The following COL11A2 variants were observed in gnomAD, a reference collection of about 807,000 sequenced individuals.
COL11A2 encodes collagen type XI alpha 2 chain.
A neutral mutation model predicts 273.4 loss-of-function variants in COL11A2; 116 were observed. The ratio of observed to expected loss-of-function variants is 0.42; its 90% CI spans 0.36 to 0.49. The LOEUF is 0.49. Ranked by LOEUF, COL11A2 falls within the 20% of genes least tolerant of loss-of-function variation. The probability of loss-of-function intolerance (pLI) is 0.00; values close to 1 mark genes in which losing one functional copy is unlikely to be tolerated. For synonymous variants in COL11A2, 782 were observed against 864.2 expected (o/e 0.90, Z 1.67); for missense variants, 1,866 against 2,309.0 (o/e 0.81, Z 3.93).
Position 33,175,412 on chromosome 6 carries a change from C to A in COL11A2, c.2376+162G>T, listed in dbSNP as rs1770757759. 7.0e-6 allele frequency: 5 copies of A among 711,098 alleles called. No homozygotes were observed. The Admixed American group carries it at 8.0e-5, about 11-fold the overall frequency. The allele number at this position is 711,098 out of a possible 1,614,324, so 44.0% of individuals were successfully genotyped here. On this transcript the variant is annotated intron_variant, in intron 30 of 65. Transcript: ENST00000341947. ...CCTGACTTCTTATATATCCCCTCTG[C>A]CCATCAGCAGCTGAGAGATGCCATT...
In COL11A2 at chr6:33,171,768, G is replaced by C; in HGVS notation, c.3095C>G (p.Pro1032Arg). ...GGGACCCTGCGGGCCTGGGCGCCCT[G>C]GCGGACCAATGGGTCCCCCTGATCC... ...AAGSGGPIGP[P>R]GRPGPQGPPG... The change falls in exon 42 of 66, where the codon CCA (proline) becomes CGA (arginine). Residue 1032 changes from proline (P) to arginine (R), a missense_variant. Physicochemically the swap from Pro to Arg is moderately radical, Grantham distance 103. Transcript: ENST00000341947. 1 of 1,612,798 alleles carries C rather than the reference G, an allele frequency of 6.2e-7. No individual in the cohort carries two copies. Among genetic ancestry groups the C allele is most frequent in the Non-Finnish European group, 8.5e-7 (1 of 1,179,886 alleles).
Position 33,164,806 on chromosome 6 carries a change from G to A in COL11A2, c.4863+46C>T, listed in dbSNP as rs772313096. ...CCCAGAAACCACTAAGCCCTGAGGG[G>A]GTGCACTATGGGGCAGGGGAGGGGC... is the stretch of plus-strand genomic sequence containing the variant. On this transcript the variant is annotated intron_variant, in intron 64 of 65. Transcript: ENST00000341947. This position sits in a 1 kb window ranked among gnomAD's most constrained non-coding sequence, Gnocchi z 4.7. The A allele has an allele frequency of 6.7e-7, 1 of 1,501,676 alleles. No homozygotes were observed. Among genetic ancestry groups the A allele is most frequent in the Admixed American group, 2.0e-5 (1 of 50,862 alleles). 93.0% of individuals were successfully genotyped at this position (1,501,676 alleles called of 1,614,324 possible). A position where few individuals can be genotyped will look rare whatever the true frequency, so the allele number is the denominator to read the frequency against.
intron 5 of COL11A2, among the ~76,000 whole-genome samples, chr6:33,186,035 A>T (rs2150609790): frequency 6.6e-6 from 1 of 152,044 alleles, no homozygotes; most frequent in Admixed American, 6.5e-5. Context: ...TCTGATCTTT[A>T]GACCACTGAC....
rs1297926204 is a variant in COL11A2 at position 33,173,528 on chromosome 6, C to T, written c.2656G>A (p.Gly886Arg). The T allele has an allele frequency of 2.5e-6, 4 of 1,603,650 alleles. No homozygotes were observed. The highest frequency in any genetic ancestry group is 2.2e-5 in the East Asian group (1 of 44,568). ...RGLPGPQGPN[G>R]FPGPKGPPGP... ...GGGGGTCCTTTCGGTCCAGGAAACC[C>T]GTTGGGACCCTGAGGTCCAGGGAGG... The change falls in exon 36 of 66, where the codon GGG becomes AGG. Residue 886 changes from glycine (G) to arginine (R), a missense_variant. Gly to Arg is a moderately radical substitution (Grantham distance 125). Coordinates refer to ENST00000341947, the MANE Select transcript of COL11A2 (RefSeq NM_080680.3). This position sits in a 1 kb window ranked among gnomAD's most constrained non-coding sequence, Gnocchi z 6.3.
chr6:33,174,390 A>G, intron 31 of COL11A2, 137 bp downstream of exon 31: 1 of 1,370,978 alleles, frequency 7.3e-7, no homozygotes, highest in Non-Finnish European at 1.0e-6. Context: ...TCTTTCGGTC[A>G]TCTGTAAAAT....
chr6:33,171,392 G>A (rs373993079), intron 43 of COL11A2, 68 bp from the exon 44 acceptor site: 13 of 1,608,340 alleles, frequency 8.1e-6, no homozygotes, highest in African/African-American at 2.7e-5. Context: ...TGACATGACA[G>A]GGGCCAGGGG....
chr6:33,178,810 G>T lies in COL11A2; in HGVS notation c.1666-78C>A. 3.1e-6 allele frequency: 5 copies of T among 1,603,190 alleles called. No individual in the cohort carries two copies. The highest frequency in any genetic ancestry group is 2.2e-5 in the East Asian group (1 of 44,818). ...CCCTCCCTACTGCACCCTGAGCTGGGGGGGTGCTGATCCTGGGGAAGCCTG... is the reference window on the plus strand; with the variant it reads ...CCCTCCCTACTGCACCCTGAGCTGGTGGGGTGCTGATCCTGGGGAAGCCTG... On this transcript the variant is annotated intron_variant, in intron 17 of 65. Transcript: ENST00000341947. The surrounding 1 kb of genome is among the most constrained non-coding windows in gnomAD (Gnocchi z 4.6).
Position 33,176,525 on chromosome 6 carries a change from G to C in COL11A2, c.2116-39C>G. On this transcript the variant is annotated intron_variant, in intron 26 of 65. Transcript: ENST00000341947. The surrounding 1 kb of genome is among the most constrained non-coding windows in gnomAD (Gnocchi z 4.9). Reference sequence around the variant, plus strand: ...GAGAGGCATTTATAAAGGGGCCTCAGAGTGTCACTGTGGGGGCCTCCAGGG... The same window carrying C: ...GAGAGGCATTTATAAAGGGGCCTCACAGTGTCACTGTGGGGGCCTCCAGGG... 1 of 1,580,958 alleles carries C rather than the reference G, an allele frequency of 6.3e-7. No homozygotes were observed. The highest frequency in any genetic ancestry group is 8.7e-7 in the Non-Finnish European group (1 of 1,151,180).
At chr6:33,185,923 G>A (rs1484972238) in intron 5 of COL11A2, 145 bp from the exon 6 acceptor site, 2 of 387,804 alleles carry the variant, frequency 5.2e-6, no homozygotes, top group African/African-American at 4.1e-5. Context: ...AGTTGAAGAT[G>A]AAAGGAGAGG....
Position 33,170,045 on chromosome 6 carries a change from A to T in COL11A2, c.3636+2T>A, listed in dbSNP as rs1769803099. 1 of 1,612,794 alleles carries T rather than the reference A, an allele frequency of 6.2e-7. No individual in the cohort carries two copies. Among genetic ancestry groups the T allele is most frequent in the Non-Finnish European group, 8.5e-7 (1 of 1,179,974 alleles). ...TGGTCCACTCACCCCCTTCCCAGTT[A>T]CCTTCTCTCCAGGGGGACCCAGGTT... is the stretch of plus-strand genomic sequence containing the variant. On this transcript the variant is annotated splice_donor_variant, in intron 49 of 65. Transcript: ENST00000341947. LOFTEE classifies it high-confidence loss of function. The surrounding 1 kb of genome is among the most constrained non-coding windows in gnomAD (Gnocchi z 4.3).
At position 33,177,402 on chromosome 6, in the gene COL11A2, C is replaced by T. The variant is rs1771073566; in HGVS notation, c.1971+10G>A. 1 of 1,612,824 alleles carries T rather than the reference C, an allele frequency of 6.2e-7. No individual in the cohort carries two copies. The highest frequency in any genetic ancestry group is 1.1e-5 in the South Asian group (1 of 91,076). On this transcript the variant is annotated intron_variant, in intron 23 of 65. Coordinates refer to ENST00000341947, the MANE Select transcript of COL11A2 (RefSeq NM_080680.3). This position sits in a 1 kb window ranked among gnomAD's most constrained non-coding sequence, Gnocchi z 5.9. ...TGAAAATTGGGGAACGGAGTAGGGG[C>T]ACCGCTCACCTGGGTCCCAGGGGTG...
intron 53 of COL11A2, 58 bp downstream of exon 53, chr6:33,168,648 A>AG: frequency 2.5e-6 from 4 of 1,596,114 alleles, no homozygotes; most frequent in Non-Finnish European, 3.4e-6. Context: ...GGCACAGAAG[A>AG]GGGGTAAAGA....
At position 33,188,508 on chromosome 6, in the gene COL11A2, C is replaced by T; in HGVS notation, c.460G>A (p.Val154Met). The T allele has an allele frequency of 1.9e-6, 3 of 1,613,070 alleles. No homozygotes were observed. Among genetic ancestry groups the T allele is most frequent in the South Asian group, 1.1e-5 (1 of 91,084 alleles). Reference protein sequence around the residue: ...LADGKWHRVAVAVKGQSVTLI... With the variant: ...LADGKWHRVAMAVKGQSVTLI... ...GTGACAGACTGGCCCTTCACAGCCA[C>T]AGCCACACGGTGCCACCTGGAAATG... The change falls in exon 4 of 66, where the codon GTG becomes ATG. Residue 154 changes from valine (V) to methionine (M), a missense_variant. By Grantham distance (21) the Val-to-Met change is conservative (BLOSUM62 1). Coordinates refer to ENST00000341947, the MANE Select transcript of COL11A2 (RefSeq NM_080680.3).
chr6:33,176,909 A>G lies in COL11A2; in HGVS notation c.2070+83T>C. On this transcript the variant is annotated intron_variant, in intron 25 of 65. Transcript: ENST00000341947. This position sits in a 1 kb window ranked among gnomAD's most constrained non-coding sequence, Gnocchi z 4.9. Reference sequence around the variant, plus strand: ...AGCACCACCAGTGACCTTTCAGTGCAAGGGTCACTAAAGGAGCTCTGAGGT... The same window carrying G: ...AGCACCACCAGTGACCTTTCAGTGCGAGGGTCACTAAAGGAGCTCTGAGGT... The G allele has an allele frequency of 5.8e-6, 9 of 1,548,404 alleles. No homozygotes were observed. Among genetic ancestry groups the G allele is most frequent in the Non-Finnish European group, 4.4e-6 (5 of 1,135,770 alleles).
rs1771090245 is a variant in COL11A2 at position 33,177,490 on chromosome 6, G to A, written c.1918-25C>T. 1.2e-6 allele frequency: 2 copies of A among 1,611,988 alleles called. No homozygotes were observed. Among genetic ancestry groups the A allele is most frequent in the African/African-American group, 1.3e-5 (1 of 74,910 alleles). ...CCTAGAAACAGGTGACCAGGCACAGGTCAGAAGGAGATGGAGATAGAACAC... is the reference window on the plus strand; with the variant it reads ...CCTAGAAACAGGTGACCAGGCACAGATCAGAAGGAGATGGAGATAGAACAC... On this transcript the variant is annotated intron_variant, in intron 22 of 65. Coordinates refer to ENST00000341947, the MANE Select transcript of COL11A2 (RefSeq NM_080680.3). This position sits in a 1 kb window ranked among gnomAD's most constrained non-coding sequence, Gnocchi z 5.9.
Position 33,167,591 on chromosome 6 carries a change from G to C in COL11A2, c.4015-58C>G. 6.3e-7 allele frequency: 1 copy of C among 1,591,094 alleles called. No homozygotes were observed. Among genetic ancestry groups the C allele is most frequent in the Non-Finnish European group, 8.6e-7 (1 of 1,163,600 alleles). ...GCAGAGGAGTGGGGTGTGGGCAGGG[G>C]GCAGAGGGTCCAAGGTGGGAGGCAG... is the stretch of plus-strand genomic sequence containing the variant. On this transcript the variant is annotated intron_variant, in intron 55 of 65. Transcript: ENST00000341947. The surrounding 1 kb of genome is among the most constrained non-coding windows in gnomAD (Gnocchi z 6.1).
At chr6:33,187,473 G>A (rs755204489) in intron 4 of COL11A2, among the ~76,000 whole-genome samples, 17 of 152,130 alleles carry the variant, frequency 1.1e-4, no homozygotes, top group Non-Finnish European at 1.6e-4. Flanking sequence ...AGAAAATGTT[G>A]ACTGGCTTGG....
chr6:33,175,090 C>T (rs1770706655), intron 30 of COL11A2, among the ~76,000 whole-genome samples: 1 of 152,232 alleles, frequency 6.6e-6, no homozygotes, highest in Non-Finnish European at 1.5e-5. Flanking sequence ...TAACCCCTGG[C>T]TCTGCCCTTC....
intron 11 of COL11A2, 78 bp downstream of exon 11, chr6:33,180,590 A>G (rs950419009): frequency 1.5e-6 from 2 of 1,354,324 alleles, no homozygotes; most frequent in African/African-American, 1.5e-5. Flanking sequence ...ACAGGAAATT[A>G]CTGGGCATGG....
Sources: gnomAD v4.1 joint callset for allele counts (sites outside exome capture counted in the v4.1 genomes callset) on GRCh38, gnomAD v4.1.1 for gene constraint, Gnocchi (gnomAD v3.1) non-coding constraint, MANE v1.5 for transcripts, NCBI Gene and HGNC (gene_info 2026-07-23, HGNC 2026-07-21) for gene names.